ALG13: variants seen among roughly 807,000 people sequenced by gnomAD.
The protein encoded by ALG13 is UDP-N-acetylglucosamine transferase subunit ALG13.
Under a neutral mutation model 87.8 loss-of-function variants are expected in ALG13, and 11 were observed. The observed-to-expected ratio is 0.13, with a 90% CI of 0.08 to 0.21. ALG13 has a LOEUF of 0.21. ALG13 is among the 10% of genes least tolerant of loss of function. The pLI is 1.00. For synonymous variants in ALG13, 320 were observed against 306.3 expected, an observed-to-expected ratio of 1.04 and a Z score of -0.47; for missense variants, 756 against 866.1, an observed-to-expected ratio of 0.87 and a Z score of 1.60.
intron 5 of ALG13, 89 bp from the exon 6 acceptor site, chrX:111,711,586 A>G (rs1251145122): frequency 7.9e-6 from 7 of 884,121 alleles, no homozygotes; most frequent in Non-Finnish European, 9.6e-6. Context: ...TGAGCTGAGC[A>G]AAAAACGCAT....
intron 21 of ALG13, among the ~76,000 whole-genome samples, chrX:111,733,799 C>T (rs1942965433): frequency 9.0e-6 from 1 of 111,452 alleles, no homozygotes; most frequent in African/African-American, 3.3e-5. Context: ...CCCTTTTCAC[C>T]ACATCCATGC....
At chrX:111,708,927 G>T in intron 4 of ALG13, 38 bp from the exon 5 acceptor site, 1 of 972,385 alleles carries the variant, frequency 1.0e-6, no homozygotes, top group South Asian at 2.1e-5. Flanking sequence ...TATTTTAAAT[G>T]ACTACTGACA....
chrX:111,741,579 G>A (rs745626682), intron 23 of ALG13, among the ~76,000 whole-genome samples: 6 of 111,520 alleles, frequency 5.4e-5, no homozygotes, highest in African/African-American at 1.6e-4. Context: ...CTGGGAGGCC[G>A]AGGTGGGCAG....
chrX:111,759,902 G>A lies in ALG13; in HGVS notation c.3317G>A (p.Gly1106Asp). 2 of 1,210,849 alleles carry A rather than the reference G, an allele frequency of 1.7e-6. No individual in the cohort carries two copies. The highest frequency in any genetic ancestry group is 2.2e-6 in the Non-Finnish European group (2 of 895,225). Reference sequence around the variant, plus strand: ...TGGCATCCAGTTGGTACAGCATATGGTGGTTCTTCTCAAATTCATGGTGCT... The same window carrying A: ...TGGCATCCAGTTGGTACAGCATATGATGGTTCTTCTCAAATTCATGGTGCT... ...PPWHPVGTAY[G>D]GSSQIHGAIN... The change falls in exon 27 of 27, where the codon GGT (glycine) becomes GAT (aspartate). Residue 1106 changes from glycine to aspartate, a missense_variant. Gly to Asp is a moderately conservative substitution (Grantham distance 94). Around this residue, in one of 9 missense-constraint regions of ALG13, gnomAD observed 110 missense variants for 104.9 expected, o/e 1.05. Coordinates refer to ENST00000394780, the MANE Select transcript of ALG13 (RefSeq NM_001099922.3).
chrX:111,698,369 A>G (rs950531653), intron 3 of ALG13, among the ~76,000 whole-genome samples: 4 of 111,442 alleles, frequency 3.6e-5, no homozygotes, highest in Non-Finnish European at 7.5e-5. Context: ...ATCATTTTTT[A>G]TGGTGAGAAA....
intron 3 of ALG13, chrX:111,687,763 T>C (rs73542493): frequency 3.9e-5 from 20 of 516,805 alleles, no homozygotes; most frequent in African/African-American, 3.5e-4. Flanking sequence ...ATATAAAAAT[T>C]CACATGTGCA....
At chrX:111,685,535 C>G (rs1288911563) in intron 3 of ALG13, among the ~76,000 whole-genome samples, 1 of 112,076 alleles carries the variant, frequency 8.9e-6, no homozygotes, top group East Asian at 2.8e-4. Context: ...CAGTTACACC[C>G]AATATATAAA....
intron 15 of ALG13, among the ~76,000 whole-genome samples, chrX:111,725,388 G>C (rs1394896285): frequency 1.8e-5 from 2 of 111,234 alleles, no homozygotes; most frequent in Non-Finnish European, 1.9e-5. Context: ...GTAAACTTAA[G>C]CACTCATATT....
intron 8 of ALG13, 64 bp downstream of exon 8, chrX:111,713,361 G>C (rs1216251680): frequency 4.0e-6 from 3 of 741,829 alleles, no homozygotes; most frequent in Non-Finnish European, 6.1e-6. Flanking sequence ...GGCTTGCCTG[G>C]ATATTAAATC....
At chrX:111,686,944 A>G (rs1359868532) in intron 3 of ALG13, among the ~76,000 whole-genome samples, 8 of 112,042 alleles carry the variant, frequency 7.1e-5, no homozygotes, top group African/African-American at 1.9e-4. Context: ...AGAATCAGTA[A>G]TTGATTGGTT....
At chrX:111,758,622 G>C (rs1945476256) in intron 26 of ALG13, among the ~76,000 whole-genome samples, 1 of 111,961 alleles carries the variant, frequency 8.9e-6, no homozygotes, top group Admixed American at 9.5e-5. Flanking sequence ...AATTACCAAT[G>C]CATGATATGA....
intron 1 of ALG13, chrX:111,681,926 T>G: frequency 1.1e-6 from 1 of 889,488 alleles, no homozygotes; most frequent in Non-Finnish European, 1.4e-6. Context: ...GCGAGCTGGG[T>G]CGCTTAGATT....
At chrX:111,751,593 C>T (rs1443845888) in intron 24 of ALG13, among the ~76,000 whole-genome samples, 2 of 111,719 alleles carry the variant, frequency 1.8e-5, no homozygotes, top group African/African-American at 6.5e-5. Context: ...TTATTTGATA[C>T]ATACATGTAT....
chrX:111,723,287 C>T (rs1226357927), intron 13 of ALG13, among the ~76,000 whole-genome samples: 2 of 109,166 alleles, frequency 1.8e-5, no homozygotes, highest in African/African-American at 3.3e-5. Flanking sequence ...GGACTACAGG[C>T]GCCTGCCACC....
intron 4 of ALG13, 36 bp from the exon 5 acceptor site, chrX:111,708,929 C>G: frequency 1.0e-6 from 1 of 985,292 alleles, no homozygotes; most frequent in African/African-American, 1.9e-5. Context: ...TTTTAAATGA[C>G]TACTGACAGT....
chrX:111,721,072 A>AGAT (rs1187120151), intron 11 of ALG13, among the ~76,000 whole-genome samples: 1 of 99,406 alleles, frequency 1.0e-5, no homozygotes, highest in African/African-American at 3.6e-5. Flanking sequence ...TTTTTTTTTA[A>AGAT]GAAGGAAGAA....
intron 3 of ALG13, chrX:111,689,896 AT>A (rs1332499692): frequency 1.7e-5 from 13 of 752,019 alleles, no homozygotes; most frequent in African/African-American, 2.3e-5. Flanking sequence ...TTTAGTAGGA[AT>A]TTCACACTTA....
chrX:111,731,997 C>T (rs780689838), intron 21 of ALG13, among the ~76,000 whole-genome samples: 1 of 111,411 alleles, frequency 9.0e-6, no homozygotes, highest in African/African-American at 3.3e-5. Context: ...GCTGCGAGGT[C>T]GAGTTTTCAC....
At chrX:111,720,035 C>A in intron 10 of ALG13, 60 bp from the exon 11 acceptor site, 1 of 854,451 alleles carries the variant, frequency 1.2e-6, no homozygotes. Context: ...AGTCATTAGG[C>A]TTAACATAAG....
Sources: allele counts gnomAD v4.1 joint callset (sites outside exome capture counted in the v4.1 genomes callset), GRCh38; gene constraint gnomAD v4.1.1; regional missense constraint gnomAD v4.1.1; transcripts MANE v1.5; gene names NCBI Gene and HGNC (gene_info 2026-07-23, HGNC 2026-07-21).